The following CDC42BPA variants were observed in gnomAD, a reference collection of about 807,000 sequenced individuals.
CDC42BPA encodes CDC42 binding protein kinase alpha, also known as serine/threonine-protein kinase MRCK alpha.
In CDC42BPA, 80 loss-of-function variants were observed where a neutral mutation model predicts 223.5. That is an observed-to-expected ratio of 0.36 (90% confidence interval 0.30 to 0.43). The LOEUF is 0.43. Ranked by LOEUF, CDC42BPA falls within the 20% of genes least tolerant of loss-of-function variation. The pLI, the probability that CDC42BPA is intolerant of heterozygous loss-of-function variation, is 1.00. For synonymous variants in CDC42BPA, 694 were observed against 718.6 expected (o/e 0.97, Z 0.55); for missense variants, 1,743 against 2,099.9 (o/e 0.83, Z 3.32).
chr1:227,018,032 AATTATTATT>A (rs56236828), intron 32 of CDC42BPA, among the ~76,000 whole-genome samples: 2 of 145,106 alleles, frequency 1.4e-5, no homozygotes, highest in Admixed American at 6.9e-5. Context: ...TTAAAAATAG[AATTATTATT>A]ATTATTATTA....
At chr1:227,033,646 C>T (rs1345790977) in intron 26 of CDC42BPA, among the ~76,000 whole-genome samples, 1 of 152,100 alleles carries the variant, frequency 6.6e-6, no homozygotes, top group Non-Finnish European at 1.5e-5. Flanking sequence ...GCTGGCTTAC[C>T]CACAGTCACA....
At chr1:227,007,292 A>C (rs1664296425) in intron 34 of CDC42BPA, among the ~76,000 whole-genome samples, 1 of 152,238 alleles carries the variant, frequency 6.6e-6, no homozygotes, top group Non-Finnish European at 1.5e-5. Flanking sequence ...AAAATCACAC[A>C]GATAGTAATA....
intron 1 of CDC42BPA, among the ~76,000 whole-genome samples, chr1:227,297,996 A>G (rs1166246611): frequency 6.8e-6 from 1 of 148,068 alleles, no homozygotes. Context: ...ATACATATAT[A>G]TACATATATA....
chr1:227,144,235 G>A (rs1402800637), intron 8 of CDC42BPA, among the ~76,000 whole-genome samples: 6 of 152,080 alleles, frequency 3.9e-5, no homozygotes, highest in Admixed American at 3.9e-4. Flanking sequence ...CAGGATTAAA[G>A]CCATAGTAAA....
At chr1:227,182,208 G>A (rs1004358335) in intron 5 of CDC42BPA, among the ~76,000 whole-genome samples, 5 of 151,988 alleles carry the variant, frequency 3.3e-5, no homozygotes, top group Admixed American at 1.3e-4. Context: ...ACTCTGTTTC[G>A]CAAAGTGAAT....
chr1:227,034,023 T>C (rs1669802651), intron 26 of CDC42BPA, among the ~76,000 whole-genome samples: 2 of 152,190 alleles, frequency 1.3e-5, no homozygotes, highest in Admixed American at 1.3e-4. Flanking sequence ...GCGTTTGAGA[T>C]GCCAATGTGA....
intron 21 of CDC42BPA, among the ~76,000 whole-genome samples, chr1:227,063,605 T>C (rs1431174680): frequency 1.3e-5 from 2 of 152,126 alleles, no homozygotes; most frequent in African/African-American, 4.8e-5. Context: ...TGCATGTAAC[T>C]TTCTGAAATA....
Position 227,058,872 on chromosome 1 carries a change from C to T in CDC42BPA, c.2905-6887G>A, listed in dbSNP as rs1453907629. 2.5e-5 allele frequency among the ~76,000 whole-genome samples: 3 copies of T among 118,456 alleles called. No homozygotes were observed. The South Asian group carries it at 7.0e-4, about 28-fold the overall frequency. The allele number at this position is 118,456 out of a possible 152,430, so 77.7% of individuals were successfully genotyped here. A position where few individuals can be genotyped will look rare whatever the true frequency, so the allele number is the denominator to read the frequency against. ...TAGTTTGGGAGATTCCTCTGAACTA[C>T]ATTAAAAAAAAAAAAACAAGATTTC... is the stretch of plus-strand genomic sequence containing the variant. On this transcript the variant is annotated intron_variant, in intron 21 of 36. Coordinates refer to ENST00000366766, the MANE Select transcript of CDC42BPA (RefSeq NM_001394014.1).
intron 2 of CDC42BPA, among the ~76,000 whole-genome samples, chr1:227,229,268 A>G (rs1677399748): frequency 6.6e-6 from 1 of 152,176 alleles, no homozygotes; most frequent in African/African-American, 2.4e-5. Flanking sequence ...TTGGAAAAAA[A>G]ACTGTTTTAC....
chr1:227,058,161 T>A (rs1187294223), intron 21 of CDC42BPA, among the ~76,000 whole-genome samples: 1 of 152,244 alleles, frequency 6.6e-6, no homozygotes, highest in Non-Finnish European at 1.5e-5. Context: ...ACTAGTAATC[T>A]TTCATAAACA....
chr1:227,194,626 G>A (rs956163419), intron 4 of CDC42BPA, among the ~76,000 whole-genome samples: 1 of 152,206 alleles, frequency 6.6e-6, no homozygotes, highest in Non-Finnish European at 1.5e-5. Context: ...ACTGTTCACT[G>A]AGATTCTGTA....
chr1:227,044,409 A>T (rs1671987400), intron 23 of CDC42BPA, among the ~76,000 whole-genome samples: 1 of 145,388 alleles, frequency 6.9e-6, no homozygotes, highest in Non-Finnish European at 1.5e-5. Flanking sequence ...GTCACAAAAA[A>T]TTTTTCTACA....
At chr1:227,100,266 T>C (rs1684777516) in intron 15 of CDC42BPA, among the ~76,000 whole-genome samples, 1 of 152,160 alleles carries the variant, frequency 6.6e-6, no homozygotes, top group African/African-American at 2.4e-5. Context: ...GCTGGATTCC[T>C]ACCTCCAGCC....
Position 227,112,426 on chromosome 1 carries a change from T to C in CDC42BPA, c.1891-4A>G. The C allele has an allele frequency of 6.4e-7, 1 of 1,563,002 alleles. No homozygotes were observed. Among genetic ancestry groups the C allele is most frequent in the African/African-American group, 1.4e-5 (1 of 72,786 alleles). On this transcript the variant is annotated splice_polypyrimidine_tract_variant and splice_region_variant and intron_variant, in intron 13 of 36. Transcript: ENST00000366766. Reference sequence around the variant, plus strand: ...GAGCTTCTGTATGAACTTCCAGCTTTAAAACAGAATGAAAAATGCAGATTT... The same window carrying C: ...GAGCTTCTGTATGAACTTCCAGCTTCAAAACAGAATGAAAAATGCAGATTT...
At chr1:227,162,250 CATA>C (rs1442298408) in intron 5 of CDC42BPA, among the ~76,000 whole-genome samples, 2 of 151,506 alleles carry the variant, frequency 1.3e-5, no homozygotes, top group Non-Finnish European at 2.9e-5. Context: ...ATATTTTATT[CATA>C]ATACTATATA....
Position 227,160,640 on chromosome 1 carries a change from A to G in CDC42BPA, c.600-4T>C. ...TATATTGTCAGGTTTAATGTCTCTG[A>G]AAAAATAAATAAATTCAATTTTTAG... is the stretch of plus-strand genomic sequence containing the variant. On this transcript the variant is annotated splice_region_variant and splice_polypyrimidine_tract_variant and intron_variant, in intron 5 of 36. Transcript: ENST00000366766. 6.8e-7 allele frequency: 1 copy of G among 1,466,424 alleles called. No homozygotes were observed. Among genetic ancestry groups the G allele is most frequent in the Non-Finnish European group, 9.4e-7 (1 of 1,064,262 alleles). 90.8% of individuals were successfully genotyped at this position (1,466,424 alleles called of 1,614,324 possible).
At chr1:227,074,712 T>A (rs945571742) in intron 17 of CDC42BPA, among the ~76,000 whole-genome samples, 6 of 152,196 alleles carry the variant, frequency 3.9e-5, no homozygotes, top group Non-Finnish European at 7.4e-5. Flanking sequence ...TAATAAGATT[T>A]CTCAATTGGA....
intron 14 of CDC42BPA, among the ~76,000 whole-genome samples, chr1:227,106,226 C>T (rs905807310): frequency 2.0e-5 from 3 of 151,790 alleles, no homozygotes; most frequent in African/African-American, 7.3e-5. Context: ...GCTTATTGAC[C>T]ATTTATATAT....
At chr1:227,047,705 T>G (rs532365930) in intron 23 of CDC42BPA, among the ~76,000 whole-genome samples, 1 of 152,300 alleles carries the variant, frequency 6.6e-6, no homozygotes, top group African/African-American at 2.4e-5. Flanking sequence ...TACTTCTTAT[T>G]ATAACAGACT....
Sources: allele counts gnomAD v4.1 joint callset (sites outside exome capture counted in the v4.1 genomes callset), GRCh38; gene constraint gnomAD v4.1.1; transcripts MANE v1.5; gene names NCBI Gene and HGNC (gene_info 2026-07-23, HGNC 2026-07-21).